FOCAD: variants seen among roughly 807,000 people sequenced by gnomAD.
FOCAD encodes focadhesin, also known as KIAA1797.
In FOCAD, 198 loss-of-function variants were observed where a neutral mutation model predicts 225.6. The observed-to-expected ratio is 0.88, with a 90% CI of 0.78 to 0.99. FOCAD has a LOEUF of 0.99. FOCAD is among the 50% of genes least tolerant of loss of function. FOCAD has a pLI of 0.00. For synonymous variants in FOCAD, 897 were observed against 755.0 expected, an observed-to-expected ratio of 1.19 and a Z score of -3.08; for missense variants, 2,713 against 2,123.6, an observed-to-expected ratio of 1.28 and a Z score of -5.46.
intron 16 of FOCAD, 36 bp from the exon 17 acceptor site, chr9:20,865,890 C>T (rs375165905): frequency 4.1e-5 from 63 of 1,524,164 alleles, no homozygotes; most frequent in Non-Finnish European, 5.7e-5. Context: ...TTAGCTTGGT[C>T]TTAACAATTT....
intron 22 of FOCAD, among the ~76,000 whole-genome samples, chr9:20,908,614 T>G (rs73648444): frequency 0.011 from 1,713 of 152,162 alleles, 30 homozygotes; most frequent in African/African-American, 0.039. Context: ...ATCGTTTTCT[T>G]TTGCTTGTTG....
chr9:20,705,928 T>TTTG (rs1824345754), intron 1 of FOCAD, among the ~76,000 whole-genome samples: 1 of 53,416 alleles, frequency 1.9e-5, no homozygotes, highest in African/African-American at 7.8e-5. Context: ...TTTTAAGTTT[T>TTTG]TTTTTTTTTT....
At chr9:20,769,992 T>G (rs1038431345) in intron 7 of FOCAD, 40 bp from the exon 8 acceptor site, 2 of 1,532,586 alleles carry the variant, frequency 1.3e-6, no homozygotes, top group Non-Finnish European at 1.8e-6. Flanking sequence ...TCTTTTGGTT[T>G]GTGTATTTTT....
chr9:20,854,506 C>A (rs1208221991), intron 15 of FOCAD, among the ~76,000 whole-genome samples: 2 of 151,664 alleles, frequency 1.3e-5, no homozygotes, highest in Non-Finnish European at 3.0e-5. Flanking sequence ...AAATCAGAGA[C>A]CTGGATTTCT....
At chr9:20,986,215 C>G in intron 39 of FOCAD, 73 bp from the exon 40 acceptor site, 2 of 1,345,018 alleles carry the variant, frequency 1.5e-6, no homozygotes, top group Non-Finnish European at 1.9e-6. Context: ...TTGTTTTGCC[C>G]TTGCCCTGAA....
At chr9:20,759,619 AC>A (rs745917344) in intron 6 of FOCAD, among the ~76,000 whole-genome samples, 12 of 152,170 alleles carry the variant, frequency 7.9e-5, no homozygotes, top group South Asian at 2.1e-4. Flanking sequence ...GTAGAAGAAA[AC>A]CTAGGCATTA....
chr9:20,862,286 T>G (rs569950689), intron 15 of FOCAD, among the ~76,000 whole-genome samples: 1 of 152,122 alleles, frequency 6.6e-6, no homozygotes, highest in Admixed American at 6.5e-5. Flanking sequence ...TGGAGTTAAT[T>G]TTGTGTGTGT....
chr9:20,802,226 G>T (rs1422051386), intron 11 of FOCAD, among the ~76,000 whole-genome samples: 1 of 151,998 alleles, frequency 6.6e-6, no homozygotes, highest in East Asian at 1.9e-4. Flanking sequence ...TGTGAGAATG[G>T]ATTACTTCTA....
intron 4 of FOCAD, among the ~76,000 whole-genome samples, chr9:20,727,893 A>G (rs72702001): frequency 0.028 from 4,220 of 152,308 alleles, 88 homozygotes; most frequent in Non-Finnish European, 0.044. Flanking sequence ...CTGGTCAAAT[A>G]TGGGTACAGT....
intron 42 of FOCAD, 49 bp from the exon 43 acceptor site, chr9:20,993,204 C>T (rs1841812144): frequency 6.8e-7 from 1 of 1,465,362 alleles, no homozygotes; most frequent in African/African-American, 1.4e-5. Context: ...TGTTCTTTTG[C>T]TGATGGTAGG....
chr9:20,656,965 C>T (rs1283894040), upstream of FOCAD, among the ~76,000 whole-genome samples: 1 of 151,668 alleles, frequency 6.6e-6, no homozygotes, highest in Non-Finnish European at 1.5e-5. Context: ...TCTTTTAGGG[C>T]AGGCCTGGTG....
chr9:20,752,234 A>G (rs1828626182), intron 5 of FOCAD, among the ~76,000 whole-genome samples: 2 of 151,856 alleles, frequency 1.3e-5, no homozygotes, highest in Non-Finnish European at 2.9e-5. Context: ...GTCCTTGCCC[A>G]TGCCTATGTC....
chr9:20,838,605 A>G (rs1277004414), intron 15 of FOCAD, among the ~76,000 whole-genome samples: 1 of 152,072 alleles, frequency 6.6e-6, no homozygotes, highest in African/African-American at 2.4e-5. Context: ...CTTCTATTCC[A>G]CTTGTTTGGC....
intron 23 of FOCAD, among the ~76,000 whole-genome samples, chr9:20,913,942 T>A (rs1207997515): frequency 6.6e-6 from 1 of 152,108 alleles, no homozygotes; most frequent in African/African-American, 2.4e-5. Flanking sequence ...TATATGAGTA[T>A]AAAGGAGTTA....
rs932320287 is a variant in FOCAD at position 20,775,436 on chromosome 9, C to A, written c.907-3245C>A. ...TGACTCAGTTCCAACCAACTTTCTT[C>A]ACTGTGTGTCTCATTTTAAGTTTTC... On this transcript the variant is annotated intron_variant, in intron 8 of 43. Coordinates refer to ENST00000338382, the MANE Select transcript of FOCAD (RefSeq NM_001375567.1). 3.9e-5 allele frequency among the ~76,000 whole-genome samples: 6 copies of A among 152,300 alleles called. No homozygotes were observed. The South Asian group carries it at 1.2e-3, about 32-fold the overall frequency.
chr9:20,753,828 G>A (rs1299404490), intron 5 of FOCAD, among the ~76,000 whole-genome samples: 1 of 150,222 alleles, frequency 6.7e-6, no homozygotes, highest in Non-Finnish European at 1.5e-5. Flanking sequence ...CAGTGTTTGT[G>A]TTTATTTTTT....
chr9:20,758,017 G>C, intron 5 of FOCAD, 73 bp from the exon 6 acceptor site: 1 of 921,560 alleles, frequency 1.1e-6, no homozygotes, highest in Non-Finnish European at 1.6e-6. Flanking sequence ...TGGCTTCTTT[G>C]CTGCTATATT....
At chr9:20,798,823 A>G (rs1821442015) in intron 11 of FOCAD, among the ~76,000 whole-genome samples, 1 of 151,852 alleles carries the variant, frequency 6.6e-6, no homozygotes, top group Non-Finnish European at 1.5e-5. Flanking sequence ...GATTTTTTTG[A>G]AGGGTTTTTT....
chr9:20,948,957 C>A, intron 32 of FOCAD, 29 bp downstream of exon 32: 1 of 1,593,690 alleles, frequency 6.3e-7, no homozygotes, highest in Non-Finnish European at 8.6e-7. Context: ...GAGGGGAAGA[C>A]ATCTAAATAT....
Sources: allele counts gnomAD v4.1 joint callset (sites outside exome capture counted in the v4.1 genomes callset), GRCh38; gene constraint gnomAD v4.1.1; transcripts MANE v1.5; gene names NCBI Gene and HGNC (gene_info 2026-07-23, HGNC 2026-07-21).